The following XIRP2 variants were observed in gnomAD, a reference collection of about 807,000 sequenced individuals.
XIRP2 encodes xin actin-binding repeat-containing protein 2.
XIRP2 carries 236 observed loss-of-function variants against 277.0 expected under a neutral mutation model. The observed-to-expected ratio is 0.85, with a 90% CI of 0.77 to 0.95. The LOEUF (loss-of-function observed/expected upper bound fraction) is 0.95. XIRP2 is among the 40% of genes least tolerant of loss of function. The pLI is 0.00. For synonymous variants in XIRP2, 1,490 were observed against 1,416.5 expected (o/e 1.05, Z -1.17); for missense variants, 4,640 against 4,157.5 (o/e 1.12, Z -3.19).
At position 167,249,583 on chromosome 2, in the gene XIRP2, A is replaced by G. The variant is rs1695403600; in HGVS notation, c.8191A>G (p.Ser2731Gly). The G allele has an allele frequency of 3.1e-6, 5 of 1,613,548 alleles. No homozygotes were observed. The South Asian group carries it at 4.4e-5, about 14-fold the overall frequency. The change falls in exon 9 of 11, where the codon AGT becomes GGT. Residue 2731 changes from serine (S) to glycine (G), a missense_variant. Transcript: ENST00000409195. ...TLNETDHSYE[S>G]HKQQSEIDVQ... ...AAATGAAACAGACCACAGCTATGAA[A>G]GTCATAAACAGCAATCTGAGATTGA...
chr2:167,043,746 A>T (rs865779708), intron 2 of XIRP2, among the ~76,000 whole-genome samples: 1 of 152,196 alleles, frequency 6.6e-6, no homozygotes, highest in East Asian at 1.9e-4. Context: ...TTCACAGCCA[A>T]ATTCTACCAG....
At chr2:166,901,949 A>C (rs984779118) in intron 1 of XIRP2, among the ~76,000 whole-genome samples, 1 of 152,100 alleles carries the variant, frequency 6.6e-6, no homozygotes, top group Admixed American at 6.6e-5. Flanking sequence ...GAGTGATTGA[A>C]ATGATGTTTT....
Position 166,903,684 on chromosome 2 carries a change from G to A in XIRP2, c.202G>A (p.Glu68Lys). 1 of 1,613,646 alleles carries A rather than the reference G, an allele frequency of 6.2e-7. No homozygotes were observed. ...DPTSLPYSTG[E>K]EMWSSKPEEK... ...CACAAGTCTGCCCTACAGTACAGGG[G>A]AAGAGATGTGGAGTTCGAAGCCGGA... The change falls in exon 2 of 11, where the codon GAA becomes AAA. Residue 68 changes from glutamate to lysine, a missense_variant. Transcript: ENST00000409195.
chr2:167,041,216 A>G (rs887312176), intron 2 of XIRP2, among the ~76,000 whole-genome samples: 44 of 151,740 alleles, frequency 2.9e-4, no homozygotes, highest in Non-Finnish European at 4.7e-4. Context: ...ATCAGCTCAC[A>G]TATATGAGAA....
chr2:167,107,107 G>A (rs1254077345), intron 2 of XIRP2, among the ~76,000 whole-genome samples: 2 of 151,690 alleles, frequency 1.3e-5, no homozygotes, highest in Non-Finnish European at 3.0e-5. Context: ...AATTGGAAGA[G>A]TTTTATTCTT....
chr2:167,112,525 CTA>C (rs369237420), intron 2 of XIRP2, among the ~76,000 whole-genome samples: 35 of 147,830 alleles, frequency 2.4e-4, no homozygotes, highest in Admixed American at 1.1e-3. Context: ...GTCTCTCTCT[CTA>C]TATATATATA....
At chr2:166,920,255 A>G (rs1325176518) in intron 2 of XIRP2, among the ~76,000 whole-genome samples, 1 of 152,148 alleles carries the variant, frequency 6.6e-6, no homozygotes, top group Non-Finnish European at 1.5e-5. Flanking sequence ...TTTAACAGCT[A>G]TGATGTGGAG....
intron 2 of XIRP2, among the ~76,000 whole-genome samples, chr2:167,047,303 A>T (rs1220103230): frequency 6.6e-6 from 1 of 151,974 alleles, no homozygotes; most frequent in Non-Finnish European, 1.5e-5. Flanking sequence ...AAAATATGTG[A>T]TTAAAAAGAT....
At chr2:166,980,802 A>G (rs1686844226) in intron 2 of XIRP2, among the ~76,000 whole-genome samples, 1 of 151,914 alleles carries the variant, frequency 6.6e-6, no homozygotes. Flanking sequence ...TTGGTTTTCT[A>G]TTTGTCTCAT....
chr2:166,945,795 C>T (rs1173176090), intron 2 of XIRP2, among the ~76,000 whole-genome samples: 1 of 151,734 alleles, frequency 6.6e-6, no homozygotes, highest in Admixed American at 6.6e-5. Context: ...CCTCAGCCTC[C>T]CAAGTAGCTG....
At chr2:167,136,114 GA>G (rs1245649930) in intron 3 of XIRP2, 52 bp downstream of exon 3, 1 of 1,455,138 alleles carries the variant, frequency 6.9e-7, no homozygotes, top group Non-Finnish European at 9.1e-7. Flanking sequence ...TGTACAACAT[GA>G]GTGGTTAATA....
chr2:167,059,298 A>G (rs1426442334), intron 2 of XIRP2, among the ~76,000 whole-genome samples: 1 of 150,574 alleles, frequency 6.6e-6, no homozygotes, highest in Non-Finnish European at 1.5e-5. Flanking sequence ...TTTTATTTTT[A>G]GTAGAGATGG....
rs766745683 is a variant in XIRP2, at chr2:167,259,067, G to T, written c.*1250G>T. On this transcript the variant is annotated 3_prime_UTR_variant, in exon 11 of 11. Transcript: ENST00000409195. The stretch of plus-strand genomic sequence containing the variant: ...TTTACACTTTTTCTTTTCTAACACC[G>T]TGAAAATCACTGCATTTTCCAAGAA... 1 of 1,611,224 alleles carries T rather than the reference G, an allele frequency of 6.2e-7. No individual in the cohort carries two copies. The highest frequency in any genetic ancestry group is 1.1e-5 in the South Asian group (1 of 90,978).
chr2:167,074,084 C>T (rs1281598362), intron 2 of XIRP2, among the ~76,000 whole-genome samples: 1 of 152,046 alleles, frequency 6.6e-6, no homozygotes, highest in Non-Finnish European at 1.5e-5. Context: ...GGAGAAAAAA[C>T]TTTAGAGTCA....
chr2:167,090,365 T>C (rs1690105128), intron 2 of XIRP2, among the ~76,000 whole-genome samples: 1 of 152,264 alleles, frequency 6.6e-6, no homozygotes, highest in Non-Finnish European at 1.5e-5. Flanking sequence ...TTAAGCAGTC[T>C]CTTTAAATAT....
At chr2:167,088,689 C>A (rs1022941755) in intron 2 of XIRP2, among the ~76,000 whole-genome samples, 1 of 152,158 alleles carries the variant, frequency 6.6e-6, no homozygotes, top group Admixed American at 6.5e-5. Context: ...GGCATACTGG[C>A]CTTCCTCAAT....
chr2:167,244,982 T>TA lies in XIRP2; in HGVS notation c.3590_3591insA (p.Ser1198PhefsTer6). 2 of 1,613,348 alleles carry TA rather than the reference T, an allele frequency of 1.2e-6. No individual in the cohort carries two copies. The highest frequency in any genetic ancestry group is 1.7e-6 in the Non-Finnish European group (2 of 1,179,670). On this transcript the variant is annotated frameshift_variant, in exon 9 of 11. Coordinates refer to ENST00000409195, the MANE Select transcript of XIRP2 (RefSeq NM_152381.6). LOFTEE classifies it high-confidence loss of function. ...GAAATGGATATACAAGCTGGAGATGTTTCCAGCATGAGGTATAAATTTGAA... is the reference window on the plus strand; with the variant it reads ...GAAATGGATATACAAGCTGGAGATGTATTCCAGCATGAGGTATAAATTTGAA...
intron 2 of XIRP2, among the ~76,000 whole-genome samples, chr2:167,017,312 T>A (rs778339831): frequency 6.6e-6 from 1 of 151,984 alleles, no homozygotes; most frequent in Non-Finnish European, 1.5e-5. Context: ...GTGATTTATG[T>A]GGTTGCATAA....
At chr2:167,211,747 G>C (rs1260847670) in intron 4 of XIRP2, among the ~76,000 whole-genome samples, 5 of 152,112 alleles carry the variant, frequency 3.3e-5, no homozygotes, top group Non-Finnish European at 7.4e-5. Context: ...ATAAAAATGA[G>C]AGAGATTAGC....
Sources: allele counts gnomAD v4.1 joint callset (sites outside exome capture counted in the v4.1 genomes callset), GRCh38; gene constraint gnomAD v4.1.1; transcripts MANE v1.5; gene names NCBI Gene and HGNC (gene_info 2026-07-23, HGNC 2026-07-21).